The following IGFN1 variants were observed in gnomAD, a reference collection of about 807,000 sequenced individuals.
IGFN1 encodes immunoglobulin like and fibronectin type III domain containing 1.
Under a neutral mutation model 289.5 loss-of-function variants are expected in IGFN1, and 253 were observed. The ratio of observed to expected loss-of-function variants is 0.87; its 90% CI spans 0.79 to 0.97. IGFN1 has a LOEUF of 0.97. Ranked by LOEUF, IGFN1 falls within the 50% of genes least tolerant of loss-of-function variation. The pLI, the probability that IGFN1 is intolerant of heterozygous loss-of-function variation, is 0.00. For missense variants in IGFN1, 4,470 were observed against 4,686.1 expected, an observed-to-expected ratio of 0.95 and a Z score of 1.35; for synonymous variants, 1,706 against 1,788.5, an observed-to-expected ratio of 0.95 and a Z score of 1.16.
chr1:201,197,394 T>A, intron 5 of IGFN1, 77 bp downstream of exon 5: 2 of 855,296 alleles, frequency 2.3e-6, no homozygotes, highest in Non-Finnish European at 1.9e-6. Context: ...CCGTGGCTAG[T>A]GAGGGAGGGG....
intron 22 of IGFN1, among the ~76,000 whole-genome samples, chr1:201,226,546 C>T (rs921018339): frequency 2.6e-4 from 39 of 151,498 alleles, no homozygotes; most frequent in Non-Finnish European, 1.8e-4. Context: ...TCATAAAATA[C>T]AAAAATTTCA....
chr1:201,216,670 A>T lies in IGFN1; in HGVS notation c.9512A>T (p.Lys3171Met). ...FTDAHVEPGR[K>M]YTFRVRAVTS... ...GATGCCCATGTGGAGCCAGGCAGGAAGTATACCTTCCGAGTGCGGGCTGTG... is the reference window on the plus strand; with the variant it reads ...GATGCCCATGTGGAGCCAGGCAGGATGTATACCTTCCGAGTGCGGGCTGTG... The change falls in exon 16 of 24, where the codon AAG becomes ATG. Residue 3171 changes from lysine to methionine, a missense_variant. By Grantham distance (95) the Lys-to-Met change is moderately conservative. Around this residue, in one of 8 missense-constraint regions of IGFN1, gnomAD observed 2,218 missense variants for 2,114.1 expected, o/e 1.05. Transcript: ENST00000335211. The T allele has an allele frequency of 6.2e-7, 1 of 1,613,918 alleles. No individual in the cohort carries two copies. The highest frequency in any genetic ancestry group is 8.5e-7 in the Non-Finnish European group (1 of 1,179,960).
intron 23 of IGFN1, 48 bp downstream of exon 23, chr1:201,227,256 GCAACCA>G (rs1447536323): frequency 6.9e-7 from 1 of 1,451,368 alleles, no homozygotes; most frequent in East Asian, 2.5e-5. Context: ...AGCCAGGAGA[GCAACCA>G]CCTGCCTGTC....
At position 201,206,446 on chromosome 1, in the gene IGFN1, T is replaced by C. The variant is rs1288602699; in HGVS notation, c.1553T>C (p.Leu518Pro). ...SHREGGWARS[L>P]AERPHLQGES... ...AGAGAGGGAGGCTGGGCCAGAAGCC[T>C]TGCAGAGAGGCCCCATCTACAGGGA... The change falls in exon 12 of 24, where the codon CTT (leucine) becomes CCT (proline). Residue 518 changes from leucine to proline, a missense_variant. This residue lies in a region of IGFN1 where 2,011 missense variants were observed against 1,953.4 expected (regional missense o/e 1.03). Coordinates refer to ENST00000335211, the MANE Select transcript of IGFN1 (RefSeq NM_001164586.2). The C allele has an allele frequency of 1.9e-6, 3 of 1,550,992 alleles. 1 individual carries two copies. In the South Asian group the frequency reaches 3.6e-5, roughly 18 times the overall value.
At chr1:201,193,328 C>T (rs1666741446) in intron 2 of IGFN1, 28 bp downstream of exon 2, 2 of 1,528,498 alleles carry the variant, frequency 1.3e-6, no homozygotes, top group African/African-American at 1.4e-5. Context: ...CTCCCCTCCC[C>T]AGCCCTCCCT....
rs750374611 is a variant in IGFN1, at chr1:201,197,266, G to T, written c.316G>T (p.Val106Leu). 1.3e-6 allele frequency: 2 copies of T among 1,551,646 alleles called. No individual in the cohort carries two copies. The highest frequency in any genetic ancestry group is 1.7e-6 in the Non-Finnish European group (2 of 1,146,926). ...EDTDLYRCTA[V>L]NAYGEAACSV... ...CACGGATCTGTACCGCTGCACAGCA[G>T]TAAATGCGTACGGAGAGGCCGCTTG... The change falls in exon 5 of 24, where the codon GTA (valine) becomes TTA (leucine). Residue 106 changes from valine to leucine, a missense_variant. Around this residue, in one of 8 missense-constraint regions of IGFN1, gnomAD observed 2,011 missense variants for 1,953.4 expected, o/e 1.03. Coordinates refer to ENST00000335211, the MANE Select transcript of IGFN1 (RefSeq NM_001164586.2).
Position 201,227,096 on chromosome 1 carries a change from C to T in IGFN1, c.11001C>T (p.Gly3667=), listed in dbSNP as rs376488422. 227 of 1,613,420 alleles carry T rather than the reference C, an allele frequency of 1.4e-4. 1 individual carries two copies. The highest frequency in any genetic ancestry group is 1.6e-4 in the Non-Finnish European group (194 of 1,179,992). The change falls in exon 23 of 24, where the codon GGC becomes GGT. Residue 3667 remains glycine, a synonymous_variant. Transcript: ENST00000335211. ...CGGTGTACAGCACTGACCTGCTGGG[C>T]GTGTGCTCCCTCACCATCCCCAGCG... ...NPAVYSTDLL[G]VCSLTIPSVS...
rs1667496127 is a variant in IGFN1 at position 201,207,764 on chromosome 1, T to A, written c.2871T>A (p.Gly957=). 2.0e-6 allele frequency: 3 copies of A among 1,536,480 alleles called. No individual in the cohort carries two copies. Among genetic ancestry groups the A allele is most frequent in the Non-Finnish European group, 2.6e-6 (3 of 1,146,644 alleles). ...GPGRMESRYE[G]GLGYSREISS... is the part of the protein sequence containing the mutation. ...GGAGAATGGAATCTAGGTACGAGGG[T>A]GGCTTAGGATATTCTAGGGAAATAA... Residue 957 remains glycine (G), a synonymous_variant, in exon 12 of 24, where the codon GGT becomes GGA. Transcript: ENST00000335211.
rs184221434 is a variant in IGFN1 at position 201,215,086 on chromosome 1, G to T, written c.8927G>T (p.Gly2976Val). The change falls in exon 14 of 24, where the codon GGG becomes GTG. Residue 2976 changes from glycine to valine, a missense_variant. Gly to Val is a moderately radical substitution (Grantham distance 109). Transcript: ENST00000335211. ...AGCCTCTTCATCACGCATGTGCAGG[G>T]GACCCAAGCTGGGAGGTACACCTTT... ...VHSLFITHVQ[G>V]TQAGRYTFVA... is the part of the protein sequence containing the mutation. The T allele has an allele frequency of 1.2e-6, 2 of 1,614,114 alleles. No individual in the cohort carries two copies. Among genetic ancestry groups the T allele is most frequent in the Non-Finnish European group, 1.7e-6 (2 of 1,180,024 alleles).
intron 13 of IGFN1, 113 bp downstream of exon 13, chr1:201,214,414 A>G: frequency 8.7e-7 from 1 of 1,148,924 alleles, no homozygotes; most frequent in East Asian, 2.5e-5. Flanking sequence ...TCATTTTGCT[A>G]ATGTATCCAC....
intron 18 of IGFN1, 142 bp downstream of exon 18, chr1:201,218,800 C>T (rs1474125160): frequency 1.2e-6 from 1 of 828,644 alleles, no homozygotes. Context: ...ATATAAAAAT[C>T]AAAAGGCCTC....
chr1:201,213,248 T>C lies in IGFN1; in HGVS notation c.8355T>C (p.Asn2785=). 1 of 1,551,770 alleles carries C rather than the reference T, an allele frequency of 6.4e-7. No homozygotes were observed. Among genetic ancestry groups the C allele is most frequent in the South Asian group, 1.2e-5 (1 of 84,068 alleles). ...AGCAGGGGTCCCTGGAGGCTGAGAA[T>C]GGTGAGGTCCAGGGTCCTGGGGCCC... is the stretch of plus-strand genomic sequence containing the variant. The part of the protein sequence containing the change: ...LGEQGSLEAE[N]GEVQGPGALK... The change falls in exon 12 of 24, where the codon AAT becomes AAC. Residue 2785 remains asparagine, a synonymous_variant. Transcript: ENST00000335211.
At position 201,210,012 on chromosome 1, in the gene IGFN1, G is replaced by A. The variant is rs76952000; in HGVS notation, c.5119G>A (p.Glu1707Lys). The change falls in exon 12 of 24, where the codon GAG becomes AAG. Residue 1707 changes from glutamate to lysine, a missense_variant. Transcript: ENST00000335211. ...TTCTGTAGAAATGGGGTCAGTGAAT[G>A]AGGCAGGTTATAGGAAGGATTTGGG... is the stretch of plus-strand genomic sequence containing the variant. ...GSSVEMGSVNEAGYRKDLGAP... is the reference protein window; with the variant it reads ...GSSVEMGSVNKAGYRKDLGAP... The A allele has an allele frequency of 2.3e-5, 34 of 1,475,432 alleles. No homozygotes were observed. The highest frequency in any genetic ancestry group is 7.0e-5 in the African/African-American group (4 of 57,288). 91.4% of individuals were successfully genotyped at this position (1,475,432 alleles called of 1,614,324 possible).
chr1:201,225,500 G>A (rs1654019346), intron 21 of IGFN1, among the ~76,000 whole-genome samples: 1 of 152,358 alleles, frequency 6.6e-6, no homozygotes, highest in South Asian at 2.1e-4. Context: ...GGCTGAGGCA[G>A]GAGAATGGCG....
rs574553468 is a variant in IGFN1 at position 201,227,140 on chromosome 1, G to A, written c.11045G>A (p.Gly3682Glu). The change falls in exon 23 of 24, where the codon GGG becomes GAG. Residue 3682 changes from glycine to glutamate, a missense_variant. Transcript: ENST00000335211. ...CCCAGCGTATCCCCGAAGGACAGCG[G>A]GGAGTACAAGGCTGTGGCTGAGAAC... ...TIPSVSPKDSGEYKAVAENTL... is the reference protein window; with the variant it reads ...TIPSVSPKDSEEYKAVAENTL... The A allele has an allele frequency of 6.2e-7, 1 of 1,613,182 alleles. No individual in the cohort carries two copies. Among genetic ancestry groups the A allele is most frequent in the East Asian group, 2.2e-5 (1 of 44,846 alleles).
At chr1:201,221,409 G>T (rs1191605621) in intron 18 of IGFN1, 35 bp from the exon 19 acceptor site, 1 of 1,480,622 alleles carries the variant, frequency 6.8e-7, no homozygotes, top group Non-Finnish European at 9.1e-7. Context: ...TCCCTCAGGA[G>T]ATGCCATTCC....
Position 201,212,719 on chromosome 1 carries a change from G to A in IGFN1, c.7826G>A (p.Gly2609Asp), listed in dbSNP as rs1178531408. Residue 2609 changes from glycine (G) to aspartate (D), a missense_variant, in exon 12 of 24, where the codon GGC becomes GAC. Gly to Asp is a moderately conservative substitution (Grantham distance 94). Around this residue, in one of 8 missense-constraint regions of IGFN1, gnomAD observed 2,218 missense variants for 2,114.1 expected, o/e 1.05. Transcript: ENST00000335211. ...AGCGGCTCTATGCCTGGGGGAAGGG[G>A]CAAGTCAACATCAGGGCCTGCTGAT... Reference protein sequence around the residue: ...LDSGSMPGGRGKSTSGPADRQ... With the variant: ...LDSGSMPGGRDKSTSGPADRQ... The A allele has an allele frequency of 1.9e-6, 3 of 1,550,990 alleles. No homozygotes were observed. Among genetic ancestry groups the A allele is most frequent in the East Asian group, 2.4e-5 (1 of 40,914 alleles).
intron 7 of IGFN1, among the ~76,000 whole-genome samples, chr1:201,199,944 T>A (rs1195592867): frequency 6.6e-6 from 1 of 152,050 alleles, no homozygotes; most frequent in African/African-American, 2.4e-5. Context: ...TTTTTTTTTT[T>A]AAGCAACAGA....
rs1653537883 is a variant in IGFN1 at position 201,219,066 on chromosome 1, A to AG, written c.9898+408_9898+409insG. Among the ~76,000 whole-genome samples the AG allele has an allele frequency of 3.3e-5, 5 of 150,394 alleles. No individual in the cohort carries two copies. The South Asian group carries it at 1.1e-3, about 32-fold the overall frequency. On this transcript the variant is annotated intron_variant, in intron 18 of 23. Coordinates refer to ENST00000335211, the MANE Select transcript of IGFN1 (RefSeq NM_001164586.2). ...AAAAAAGAAAAGAAAAGAAAGAAGA[A>AG]AAAAAAAAGCAGAGTCCTTTTCAAG...
Sources: gnomAD v4.1 joint callset for allele counts (sites outside exome capture counted in the v4.1 genomes callset) on GRCh38, gnomAD v4.1.1 for gene constraint, gnomAD v4.1.1 regional missense constraint, MANE v1.5 for transcripts, NCBI Gene and HGNC (gene_info 2026-07-23, HGNC 2026-07-21) for gene names.